SIPA1L3: variants seen among roughly 807,000 people sequenced by gnomAD.
The protein encoded by SIPA1L3 is signal induced proliferation associated 1 like 3, also known as signal-induced proliferation-associated 1-like protein 3.
SIPA1L3 carries 59 observed loss-of-function variants against 150.1 expected under a neutral mutation model. That is an observed-to-expected ratio of 0.39 (90% CI 0.32 to 0.49). The LOEUF is 0.49. Ranked by LOEUF, SIPA1L3 falls within the 20% of genes least tolerant of loss-of-function variation. The pLI is 0.86. For missense variants in SIPA1L3, 2,211 were observed against 2,489.5 expected (o/e 0.89, Z 2.38); for synonymous variants, 1,070 against 1,077.6 (o/e 0.99, Z 0.14).
chr19:38,004,974 C>T (rs1248095426), intron 1 of SIPA1L3, among the ~76,000 whole-genome samples: 1 of 152,176 alleles, frequency 6.6e-6, no homozygotes, highest in Non-Finnish European at 1.5e-5. Context: ...GAGAGAGTCA[C>T]CGCATGTTCT....
intron 1 of SIPA1L3, among the ~76,000 whole-genome samples, chr19:37,910,697 T>TA (rs2046370235): frequency 6.6e-6 from 1 of 152,164 alleles, no homozygotes; most frequent in Non-Finnish European, 1.5e-5. Flanking sequence ...TTCCACCTCC[T>TA]AGGTTCAAGC....
At chr19:38,175,328 G>A (rs2146007761) in intron 15 of SIPA1L3, among the ~76,000 whole-genome samples, 1 of 152,242 alleles carries the variant, frequency 6.6e-6, no homozygotes, top group East Asian at 1.9e-4. Context: ...CTCCCTGAGA[G>A]CCTGTCACCC....
intron 2 of SIPA1L3, among the ~76,000 whole-genome samples, chr19:38,044,754 G>A (rs1000260986): frequency 1.3e-5 from 2 of 152,114 alleles, no homozygotes; most frequent in Non-Finnish European, 2.9e-5. Context: ...CGTCACTGTG[G>A]AGTATGGCAG....
intron 1 of SIPA1L3, chr19:37,964,027 T>C (rs2046881683): frequency 6.6e-6 from 1 of 152,226 alleles, no homozygotes; most frequent in Non-Finnish European, 1.5e-5. Flanking sequence ...TTATTTTGTT[T>C]ATATTCTGAC....
chr19:37,949,645 A>G (rs182004003), intron 1 of SIPA1L3, among the ~76,000 whole-genome samples: 13 of 151,694 alleles, frequency 8.6e-5, no homozygotes, highest in Admixed American at 8.5e-4. Flanking sequence ...AGCCTGGGAG[A>G]CGAGAGAAAC....
chr19:38,183,188 T>C (rs1972598514), intron 16 of SIPA1L3, among the ~76,000 whole-genome samples: 1 of 152,012 alleles, frequency 6.6e-6, no homozygotes, highest in Non-Finnish European at 1.5e-5. Flanking sequence ...TGGAAGGGAC[T>C]TGGCATCTTC....
In SIPA1L3 at chr19:38,081,444, T is replaced by C. The variant is rs1969976209; in HGVS notation, c.-122T>C. ...ACAGGCTCACAACCTTCCTGTCAGG[T>C]TTCAGGGCCCAGCATCCTTCATCCT... On this transcript the variant is annotated 5_prime_UTR_variant, in exon 3 of 22. Coordinates refer to ENST00000222345, the MANE Select transcript of SIPA1L3 (RefSeq NM_015073.3). The C allele has an allele frequency of 1.1e-6, 1 of 922,450 alleles. No homozygotes were observed. The highest frequency in any genetic ancestry group is 1.6e-6 in the Non-Finnish European group (1 of 622,886). 57.1% of individuals were successfully genotyped at this position (922,450 alleles called of 1,614,324 possible). A position where few individuals can be genotyped will look rare whatever the true frequency, so the allele number is the denominator to read the frequency against.
At chr19:38,008,156 A>T (rs1245342855) in intron 1 of SIPA1L3, among the ~76,000 whole-genome samples, 2 of 151,400 alleles carry the variant, frequency 1.3e-5, no homozygotes, top group Non-Finnish European at 2.9e-5. Context: ...GAAATGAAGA[A>T]CAAACTGCAA....
chr19:38,022,770 G>A (rs1173551940), intron 1 of SIPA1L3, among the ~76,000 whole-genome samples: 2 of 152,190 alleles, frequency 1.3e-5, no homozygotes, highest in Non-Finnish European at 2.9e-5. Flanking sequence ...TGCCTGGCAT[G>A]TAGTAAAATC....
At chr19:37,943,364 C>T (rs2046680132) in intron 1 of SIPA1L3, among the ~76,000 whole-genome samples, 1 of 152,084 alleles carries the variant, frequency 6.6e-6, no homozygotes, top group African/African-American at 2.4e-5. Flanking sequence ...TCTTCTTCTC[C>T]CTCACTCCAA....
At chr19:38,114,602 T>TTCTTTGAAGCATGTCCGC (rs1970840172) in intron 8 of SIPA1L3, among the ~76,000 whole-genome samples, 1 of 152,334 alleles carries the variant, frequency 6.6e-6, no homozygotes, top group South Asian at 2.1e-4. Flanking sequence ...CTGGTGTGTG[T>TTCTTTGAAGCATGTCCGC]GGCATTCTTT....
chr19:38,028,237 A>C (rs1968559113), intron 1 of SIPA1L3, among the ~76,000 whole-genome samples: 2 of 152,216 alleles, frequency 1.3e-5, no homozygotes, highest in African/African-American at 2.4e-5. Context: ...AACCAGGACA[A>C]GTATGATTTC....
chr19:37,999,338 A>G (rs910400239), intron 1 of SIPA1L3, among the ~76,000 whole-genome samples: 4 of 152,204 alleles, frequency 2.6e-5, no homozygotes, highest in Non-Finnish European at 5.9e-5. Flanking sequence ...GCTCTTCTCC[A>G]GGGACCTGTG....
intron 1 of SIPA1L3, among the ~76,000 whole-genome samples, chr19:38,019,702 C>G (rs1568504938): frequency 1.3e-5 from 2 of 152,174 alleles, no homozygotes; most frequent in African/African-American, 4.8e-5. Flanking sequence ...CACGGACTTT[C>G]TGTGTGTGTC....
At chr19:38,074,790 A>G in intron 2 of SIPA1L3, among the ~76,000 whole-genome samples, 1 of 152,210 alleles carries the variant, frequency 6.6e-6, no homozygotes, top group East Asian at 1.9e-4. Context: ...TTTGAGATAG[A>G]GTCTTGCTCT....
intron 1 of SIPA1L3, among the ~76,000 whole-genome samples, chr19:38,008,663 C>T (rs1421274704): frequency 1.3e-5 from 2 of 152,016 alleles, no homozygotes; most frequent in Non-Finnish European, 2.9e-5. Flanking sequence ...CCCAAGAAAT[C>T]CTCCTGCCTC....
chr19:37,998,444 C>T (rs915925772), intron 1 of SIPA1L3, among the ~76,000 whole-genome samples: 21 of 152,042 alleles, frequency 1.4e-4, no homozygotes, highest in Admixed American at 1.2e-3. Flanking sequence ...AGCTGCAAAC[C>T]GAAACGCATA....
rs970697160 is a variant in SIPA1L3, at chr19:38,001,291, C to G, written c.-378-27798C>G. On this transcript the variant is annotated intron_variant, in intron 1 of 21. Coordinates refer to ENST00000222345, the MANE Select transcript of SIPA1L3 (RefSeq NM_015073.3). ...GAAAGTTCTTGATATCAAAGATGAT[C>G]CCTCAAACTCCATTCTTCCGCCTGC... is the stretch of plus-strand genomic sequence containing the variant. 2.6e-5 allele frequency among the ~76,000 whole-genome samples: 4 copies of G among 152,036 alleles called. No individual in the cohort carries two copies. The East Asian group carries it at 7.7e-4, about 29-fold the overall frequency.
intron 2 of SIPA1L3, among the ~76,000 whole-genome samples, chr19:38,048,498 G>A (rs576927338): frequency 2.6e-5 from 4 of 152,266 alleles, no homozygotes; most frequent in African/African-American, 4.8e-5. Context: ...CTGAGGTCAC[G>A]TGCCCCTCAA....
Sources: gnomAD v4.1 joint callset for allele counts (sites outside exome capture counted in the v4.1 genomes callset) on GRCh38, gnomAD v4.1.1 for gene constraint, MANE v1.5 for transcripts, NCBI Gene and HGNC (gene_info 2026-07-23, HGNC 2026-07-21) for gene names.